NRG3: variants seen among roughly 807,000 people sequenced by gnomAD.
NRG3 encodes the protein neuregulin 3, also known as pro-neuregulin-3, membrane-bound isoform.
A neutral mutation model predicts 66.9 loss-of-function variants in NRG3; 31 were observed. The observed-to-expected ratio is 0.46, with a 90% confidence interval of 0.35 to 0.63. NRG3 has a LOEUF of 0.63. Ranked by LOEUF, NRG3 falls within the 20% of genes least tolerant of loss-of-function variation. The probability of loss-of-function intolerance (pLI) is 0.00; values close to 1 mark genes in which losing one functional copy is unlikely to be tolerated. For synonymous variants in NRG3, 393 were observed against 359.4 expected (o/e 1.09, Z -1.06); for missense variants, 910 against 878.9 (o/e 1.04, Z -0.45).
chr10:82,379,050 T>G (rs2135825025), intron 2 of NRG3, among the ~76,000 whole-genome samples: 1 of 152,260 alleles, frequency 6.6e-6, no homozygotes, highest in South Asian at 2.1e-4. Flanking sequence ...TTCCCCATCC[T>G]TCTTTCTCCA....
chr10:82,146,666 G>T (rs1025555376), intron 1 of NRG3, among the ~76,000 whole-genome samples: 1 of 152,152 alleles, frequency 6.6e-6, no homozygotes, highest in Non-Finnish European at 1.5e-5. Context: ...ACATACAGTA[G>T]ATACTTTAAT....
At chr10:82,090,386 A>G (rs1008370009) in intron 1 of NRG3, among the ~76,000 whole-genome samples, 2 of 152,202 alleles carry the variant, frequency 1.3e-5, no homozygotes, top group Admixed American at 6.5e-5. Context: ...CTATCCTACT[A>G]TGTGCTACAC....
intron 1 of NRG3, among the ~76,000 whole-genome samples, chr10:81,976,260 G>A (rs1338996099): frequency 6.6e-6 from 1 of 152,014 alleles, no homozygotes; most frequent in Non-Finnish European, 1.5e-5. Flanking sequence ...GAGAGAGAAA[G>A]CCCTTTGGTT....
intron 1 of NRG3, among the ~76,000 whole-genome samples, chr10:82,195,277 T>C: frequency 6.6e-6 from 1 of 152,192 alleles, no homozygotes; most frequent in East Asian, 1.9e-4. Flanking sequence ...CATGTTTCCA[T>C]GGACACGTGC....
At chr10:82,610,866 A>G (rs1313249971) in intron 2 of NRG3, among the ~76,000 whole-genome samples, 1 of 152,200 alleles carries the variant, frequency 6.6e-6, no homozygotes, top group Admixed American at 6.5e-5. Flanking sequence ...GTTTTTAATG[A>G]CTGTGTTGTA....
At chr10:82,688,919 T>C (rs1440068962) in intron 2 of NRG3, among the ~76,000 whole-genome samples, 1 of 152,182 alleles carries the variant, frequency 6.6e-6, no homozygotes, top group African/African-American at 2.4e-5. Flanking sequence ...AATATAATTT[T>C]CCACAGATAG....
chr10:82,713,037 T>A (rs2134413126), intron 2 of NRG3, among the ~76,000 whole-genome samples: 1 of 144,136 alleles, frequency 6.9e-6, no homozygotes, highest in South Asian at 2.2e-4. Context: ...GGAGAATCAC[T>A]TGAATCGGGG....
chr10:82,207,325 G>T (rs1325860967), intron 1 of NRG3, among the ~76,000 whole-genome samples: 2 of 152,018 alleles, frequency 1.3e-5, no homozygotes, highest in African/African-American at 2.4e-5. Context: ...ATATTTATTT[G>T]CACTTAGTGT....
intron 4 of NRG3, among the ~76,000 whole-genome samples, chr10:82,892,901 G>C (rs545931929): frequency 6.6e-6 from 1 of 151,800 alleles, no homozygotes; most frequent in East Asian, 1.9e-4. Context: ...AATTGTGAAG[G>C]TATATGTACC....
chr10:82,123,466 C>A (rs2068223761), intron 1 of NRG3, among the ~76,000 whole-genome samples: 1 of 152,150 alleles, frequency 6.6e-6, no homozygotes, highest in South Asian at 2.1e-4. Context: ...ATGTTACTTT[C>A]ACTGTGAGCA....
intron 1 of NRG3, among the ~76,000 whole-genome samples, chr10:81,961,856 A>G (rs1301464783): frequency 6.6e-6 from 1 of 152,254 alleles, no homozygotes; most frequent in Non-Finnish European, 1.5e-5. Flanking sequence ...TCAACTCAGA[A>G]GGCAGTAGCC....
At chr10:82,395,366 C>T (rs1382611461) in intron 2 of NRG3, among the ~76,000 whole-genome samples, 1 of 152,166 alleles carries the variant, frequency 6.6e-6, no homozygotes, top group Non-Finnish European at 1.5e-5. Context: ...GGCACTCCAC[C>T]AAGCACATTG....
intron 1 of NRG3, among the ~76,000 whole-genome samples, chr10:81,946,816 T>G (rs1339150134): frequency 6.6e-6 from 1 of 152,206 alleles, no homozygotes; most frequent in Non-Finnish European, 1.5e-5. Context: ...TGAGTTATGC[T>G]TGGAAAATAT....
In NRG3 at chr10:82,358,656, A is replaced by G. The variant is rs2135582538; in HGVS notation, c.824-83A>G. 2.5e-6 allele frequency: 4 copies of G among 1,589,380 alleles called. No homozygotes were observed. The South Asian group carries it at 4.5e-5, about 18-fold the overall frequency. ...TCAGAGCCCATGAGAAGGCCTCCATACAGAGATCCAGAGCCAGTGACAGGA... is the reference window on the plus strand; with the variant it reads ...TCAGAGCCCATGAGAAGGCCTCCATGCAGAGATCCAGAGCCAGTGACAGGA... On this transcript the variant is annotated intron_variant, in intron 1 of 8. Coordinates refer to ENST00000372141, the MANE Select transcript of NRG3 (RefSeq NM_001010848.4).
chr10:82,491,019 A>T (rs1455230625), intron 2 of NRG3, among the ~76,000 whole-genome samples: 1 of 151,930 alleles, frequency 6.6e-6, no homozygotes, highest in Non-Finnish European at 1.5e-5. Context: ...ACTCAGAAAC[A>T]GTTGAAACAT....
At chr10:82,240,180 C>T (rs867062112) in intron 1 of NRG3, among the ~76,000 whole-genome samples, 10 of 151,804 alleles carry the variant, frequency 6.6e-5, no homozygotes, top group South Asian at 2.1e-4. Flanking sequence ...CTCTTTTTCC[C>T]CCCAGCAATT....
chr10:82,687,059 C>T (rs559932013), intron 2 of NRG3, among the ~76,000 whole-genome samples: 57 of 152,336 alleles, frequency 3.7e-4, no homozygotes, highest in African/African-American at 1.3e-3. Context: ...AGCTTTCTAT[C>T]TCAGTAAGTA....
intron 2 of NRG3, among the ~76,000 whole-genome samples, chr10:82,447,859 A>G (rs2136530512): frequency 6.6e-6 from 1 of 152,356 alleles, no homozygotes; most frequent in South Asian, 2.1e-4. Context: ...TGTGTAAAAT[A>G]TAAATAGCTG....
At chr10:81,971,165 T>C (rs747241981) in intron 1 of NRG3, among the ~76,000 whole-genome samples, 4 of 152,118 alleles carry the variant, frequency 2.6e-5, no homozygotes, top group South Asian at 4.1e-4. Context: ...AACACAACAT[T>C]AAGTATTGTG....
Sources: allele counts gnomAD v4.1 joint callset (sites outside exome capture counted in the v4.1 genomes callset), GRCh38; gene constraint gnomAD v4.1.1; transcripts MANE v1.5; gene names NCBI Gene and HGNC (gene_info 2026-07-23, HGNC 2026-07-21).